Variants in WDR20 observed in about 807,000 individuals in gnomAD.
WDR20 encodes the protein WD repeat domain 20.
A neutral mutation model predicts 38.7 loss-of-function variants in WDR20; 3 were observed. The ratio of observed to expected loss-of-function variants is 0.08; its 90% CI spans 0.04 to 0.20. The LOEUF (loss-of-function observed/expected upper bound fraction) is 0.20, where lower values mean the gene tolerates loss of function less well. Ranked by LOEUF, WDR20 falls within the 10% of genes least tolerant of loss-of-function variation. The probability of loss-of-function intolerance (pLI) is 1.00; values close to 1 mark genes in which losing one functional copy is unlikely to be tolerated. For synonymous variants in WDR20, 298 were observed against 285.6 expected (o/e 1.04, Z -0.44); for missense variants, 559 against 727.7 (o/e 0.77, Z 2.67).
In WDR20 at chr14:102,185,900, T is replaced by C. The variant is rs116008925; in HGVS notation, c.250-9038T>C. Among the ~76,000 whole-genome samples, 691 of 152,286 alleles carry C rather than the reference T, an allele frequency of 4.5e-3. 6 individuals carry two copies. Among genetic ancestry groups the C allele is most frequent in the African/African-American group, 0.015 (640 of 41,548 alleles). The stretch of plus-strand genomic sequence containing the variant: ...GGTTTCTATCACTTCACTGTTCTTT[T>C]CCTCCATTTTCAGAATTGTTTCCTT... On this transcript the variant is annotated intron_variant, in intron 1 of 2. Transcript: ENST00000342702.
At chr14:102,184,417 C>CA (rs1304353815) in intron 1 of WDR20, among the ~76,000 whole-genome samples, 1 of 152,206 alleles carries the variant, frequency 6.6e-6, no homozygotes, top group Non-Finnish European at 1.5e-5. Flanking sequence ...TTCTAAATGA[C>CA]AGGCTGCCTT....
At chr14:102,214,726 T>A, downstream of WDR20, 1 of 981,234 alleles carries the variant, frequency 1.0e-6, no homozygotes, top group Middle Eastern at 5.3e-4. Flanking sequence ...TTCATCCAAT[T>A]TCTTGACAAC....
upstream of WDR20, chr14:102,139,812 G>A: frequency 1.3e-6 from 2 of 1,486,880 alleles, no homozygotes; most frequent in Admixed American, 1.9e-5. Flanking sequence ...CCGCGGGTGG[G>A]AGGGGCGAGA....
rs2062180630 is a variant in WDR20, at chr14:102,209,687, C to G, written c.1517C>G (p.Ala506Gly). 5.0e-6 allele frequency: 8 copies of G among 1,614,020 alleles called. No individual in the cohort carries two copies. The highest frequency in any genetic ancestry group is 6.8e-6 in the Non-Finnish European group (8 of 1,180,050). Residue 506 changes from alanine (A) to glycine (G), a missense_variant, in exon 3 of 3, where the codon GCT (alanine) becomes GGT (glycine). Transcript: ENST00000342702. The surrounding 1 kb of genome is among the most constrained non-coding windows in gnomAD (Gnocchi z 6.0). ...GTTACCAAAACCAAAACGGACCCTG[C>G]TAAAACTCTGGGAACGCCCCTGTGT... ...NLVTKTKTDP[A>G]KTLGTPLCPR...
intron 1 of WDR20, among the ~76,000 whole-genome samples, chr14:102,179,969 A>G (rs2063029897): frequency 6.6e-6 from 1 of 152,188 alleles, no homozygotes; most frequent in Non-Finnish European, 1.5e-5. Context: ...CCTGACCAAC[A>G]TGGTGAAACC....
At chr14:102,155,937 ATTTT>A in intron 1 of WDR20, among the ~76,000 whole-genome samples, 1 of 133,284 alleles carries the variant, frequency 7.5e-6, no homozygotes, top group Non-Finnish European at 1.6e-5. Flanking sequence ...CTAATTTTTA[ATTTT>A]TTTTTTTTTT....
In WDR20 at chr14:102,222,987, G is replaced by A. The variant is rs2064092804; in HGVS notation, c.*104G>A. ...AGCCGTGCCAGCCGGCGGACCTCAG[G>A]CGGTGGACGTCGGCGATAGCCGTGT... On this transcript the variant is annotated 3_prime_UTR_variant, in exon 4 of 4. Transcript: ENST00000335263. This position sits in a 1 kb window ranked among gnomAD's most constrained non-coding sequence, Gnocchi z 4.4. 1.1e-5 allele frequency: 16 copies of A among 1,423,534 alleles called. No individual in the cohort carries two copies. Among genetic ancestry groups the A allele is most frequent in the Non-Finnish European group, 1.6e-5 (16 of 1,015,980 alleles). 88.2% of individuals were successfully genotyped at this position (1,423,534 alleles called of 1,614,324 possible). A position where few individuals can be genotyped will look rare whatever the true frequency, so the allele number is the denominator to read the frequency against.
intron 1 of WDR20, among the ~76,000 whole-genome samples, chr14:102,172,831 G>GGA (rs1292179092): frequency 2.0e-5 from 3 of 149,088 alleles, no homozygotes; most frequent in African/African-American, 7.3e-5. Flanking sequence ...GCTGCCGGGC[G>GGA]GAGGGTCTCC....
chr14:102,139,852 A>C, upstream of WDR20: 1 of 1,572,224 alleles, frequency 6.4e-7, no homozygotes, highest in Non-Finnish European at 8.7e-7. Context: ...GGGAAGAGGG[A>C]GCACCAGGAA....
chr14:102,175,643 A>T (rs1428425503), intron 1 of WDR20, among the ~76,000 whole-genome samples: 1 of 152,184 alleles, frequency 6.6e-6, no homozygotes, highest in African/African-American at 2.4e-5. Flanking sequence ...TGCTTTTGGC[A>T]GTGAGGTCAT....
At chr14:102,187,532 G>A (rs964219689) in intron 1 of WDR20, among the ~76,000 whole-genome samples, 2 of 152,086 alleles carry the variant, frequency 1.3e-5, no homozygotes, top group Non-Finnish European at 2.9e-5. Flanking sequence ...CAGCAGCCAA[G>A]GGTCTTTGGG....
intron 1 of WDR20, among the ~76,000 whole-genome samples, chr14:102,165,636 CTTTTT>C (rs398026421): frequency 3.6e-4 from 46 of 129,364 alleles, no homozygotes; most frequent in African/African-American, 1.3e-3. Flanking sequence ...CTTTTCTTTT[CTTTTT>C]TTTTTTTTTT....
chr14:102,181,487 T>G (rs981718987), intron 1 of WDR20, among the ~76,000 whole-genome samples: 2 of 152,066 alleles, frequency 1.3e-5, no homozygotes, highest in African/African-American at 4.8e-5. Context: ...TGTGACTTTT[T>G]TTTTTTAATG....
At chr14:102,210,598 C>T (rs981911019), downstream of WDR20, 24 of 968,290 alleles carry the variant, frequency 2.5e-5, no homozygotes, top group Admixed American at 6.2e-5. Context: ...CCTGACAGTT[C>T]GTGGGAACTG....
intron 1 of WDR20, among the ~76,000 whole-genome samples, chr14:102,177,241 T>G (rs1428845844): frequency 2.0e-5 from 3 of 152,246 alleles, no homozygotes; most frequent in Non-Finnish European, 4.4e-5. Flanking sequence ...GTTTATCTAT[T>G]TGTCTCACTC....
intron 1 of WDR20, among the ~76,000 whole-genome samples, chr14:102,165,802 A>T (rs938877004): frequency 4.0e-5 from 6 of 150,986 alleles, no homozygotes; most frequent in African/African-American, 1.5e-4. Flanking sequence ...ATGCCTAGCT[A>T]ATTTTTTATT....
At chr14:102,147,583 A>G (rs2054090681) in intron 1 of WDR20, among the ~76,000 whole-genome samples, 1 of 152,166 alleles carries the variant, frequency 6.6e-6, no homozygotes, top group Non-Finnish European at 1.5e-5. Context: ...CACTTATACG[A>G]TATTTATTAT....
chr14:102,202,537 G>A (rs1360901656), intron 2 of WDR20, among the ~76,000 whole-genome samples: 2 of 151,702 alleles, frequency 1.3e-5, no homozygotes, highest in Non-Finnish European at 2.9e-5. Flanking sequence ...CCGCCACCAT[G>A]CCCAGCTAAT....
chr14:102,212,802 A>C, downstream of WDR20: 2 of 1,353,340 alleles, frequency 1.5e-6, no homozygotes, highest in Non-Finnish European at 1.9e-6. Context: ...CCAAACTTTG[A>C]GCTTCCTCAT....
Sources: allele counts gnomAD v4.1 joint callset (sites outside exome capture counted in the v4.1 genomes callset), GRCh38; gene constraint gnomAD v4.1.1; non-coding constraint Gnocchi (gnomAD v3.1); transcripts MANE v1.5; gene names NCBI Gene and HGNC (gene_info 2026-07-23, HGNC 2026-07-21).